GPAT2: variants seen among roughly 807,000 people sequenced by gnomAD.
GPAT2 encodes the protein glycerol-3-phosphate acyltransferase 2, mitochondrial.
GPAT2 carries 51 observed loss-of-function variants against 71.0 expected under a neutral mutation model. The ratio of observed to expected loss-of-function variants is 0.72; its 90% CI spans 0.57 to 0.91. The LOEUF (loss-of-function observed/expected upper bound fraction) is 0.91, where lower values mean the gene tolerates loss of function less well. Ranked by LOEUF, GPAT2 falls within the 40% of genes least tolerant of loss-of-function variation. GPAT2 has a pLI of 0.00. For synonymous variants in GPAT2, 222 were observed against 290.3 expected (o/e 0.76, Z 2.39); for missense variants, 511 against 666.0 (o/e 0.77, Z 2.56).
intron 1 of GPAT2, among the ~76,000 whole-genome samples, chr2:96,034,293 T>C (rs1680902285): frequency 1.1e-5 from 1 of 89,594 alleles, no homozygotes; most frequent in East Asian, 3.0e-4. Flanking sequence ...ACTGTCCCTT[T>C]AGCCCGACAG....
At chr2:96,022,384 T>A in intron 21 of GPAT2, 109 bp from the exon 22 acceptor site, 1 of 1,310,346 alleles carries the variant, frequency 7.6e-7, no homozygotes, top group South Asian at 1.5e-5. Flanking sequence ...CTCTGGCCCC[T>A]TAGACCTCAA....
At chr2:96,022,562 A>G (rs1402830956) in intron 21 of GPAT2, 106 bp downstream of exon 21, 7 of 1,205,434 alleles carry the variant, frequency 5.8e-6, no homozygotes, top group East Asian at 4.7e-5. Flanking sequence ...ATGAGGCACC[A>G]TCAGGCCAGC....
In GPAT2 at chr2:96,024,470, C is replaced by G; in HGVS notation, c.1644G>C (p.Leu548=). ...PGPGLTHLAQ[L]SAELLPVFLS... ...GGAAGACGGGCAGCAGCTCAGCACT[C>G]AGTTGTGCCAGGTGTGTGAGGCCTG... Residue 548 remains leucine (L), a synonymous_variant, in exon 15 of 22, where the codon CTG becomes CTC. Coordinates refer to ENST00000434632, the MANE Select transcript of GPAT2 (RefSeq NM_001321527.2). The G allele has an allele frequency of 1.5e-5, 24 of 1,614,056 alleles. No homozygotes were observed. Among genetic ancestry groups the G allele is most frequent in the Non-Finnish European group, 2.0e-5 (24 of 1,179,986 alleles).
Position 96,026,682 on chromosome 2 carries a change from G to T in GPAT2, c.1032+15C>A. Reference sequence around the variant, plus strand: ...ACCTAGGGGCCCAAGGGGCTGGAAGGTCTCACATTCTCACATGGTCTATGT... The same window carrying T: ...ACCTAGGGGCCCAAGGGGCTGGAAGTTCTCACATTCTCACATGGTCTATGT... On this transcript the variant is annotated intron_variant, in intron 10 of 21. Transcript: ENST00000434632. 1 of 141,200 alleles carries T rather than the reference G, an allele frequency of 7.1e-6. No individual in the cohort carries two copies. The highest frequency in any genetic ancestry group is 1.2e-5 in the Non-Finnish European group (1 of 82,862). The allele number at this position is 141,200 out of a possible 1,614,324, so 8.7% of individuals were successfully genotyped here.
At chr2:96,024,940 C>T in intron 13 of GPAT2, 97 bp from the exon 14 acceptor site, 2 of 1,361,356 alleles carry the variant, frequency 1.5e-6, no homozygotes, top group East Asian at 2.3e-5. Context: ...CACATCCCAA[C>T]TCCACCCCAG....
chr2:96,033,850 G>A, intron 1 of GPAT2, among the ~76,000 whole-genome samples: 1 of 115,556 alleles, frequency 8.7e-6, no homozygotes, highest in Non-Finnish European at 1.8e-5. Context: ...CGGAAGCAGA[G>A]TCAAAGCCAT....
At chr2:96,024,738 C>T (rs760355292) in intron 14 of GPAT2, 35 bp downstream of exon 14, 8 of 1,613,740 alleles carry the variant, frequency 5.0e-6, no homozygotes, top group Admixed American at 1.7e-5. Context: ...CCACCCCCCC[C>T]ACCGCCCAGG....
chr2:96,023,423 T>C lies in GPAT2; in HGVS notation c.1932A>G (p.Pro644=), dbSNP rs1573848430. The part of the protein sequence containing the change: ...LVAEETPGSR[P]ACDTGRQRLS... ...ATCGCTGTCGCCCTGTGTCACAGGCTGGCCGGGAGCCTGGGGTCTAGGGGC... is the reference window on the plus strand; with the variant it reads ...ATCGCTGTCGCCCTGTGTCACAGGCCGGCCGGGAGCCTGGGGTCTAGGGGC... Residue 644 remains proline, a synonymous_variant, in exon 18 of 22, where the codon CCA becomes CCG. Transcript: ENST00000434632. 1 of 1,614,026 alleles carries C rather than the reference T, an allele frequency of 6.2e-7. No homozygotes were observed. The highest frequency in any genetic ancestry group is 2.2e-5 in the East Asian group (1 of 44,880).
chr2:96,022,224 T>G lies in GPAT2; in HGVS notation c.2341A>C (p.Thr781Pro). Reference sequence around the variant, plus strand: ...TCCTGATTGTCCAGGCTGGCAAAAGTAGGGGACAGGTGGAGCCTGGGGCCT... The same window carrying G: ...TCCTGATTGTCCAGGCTGGCAAAAGGAGGGGACAGGTGGAGCCTGGGGCCT... ...PAGPRLHLSPTFASLDNQEKL... is the reference protein window; with the variant it reads ...PAGPRLHLSPPFASLDNQEKL... The change falls in exon 22 of 22, where the codon ACT (threonine) becomes CCT (proline). Residue 781 changes from threonine to proline, a missense_variant. Transcript: ENST00000434632. 6.2e-7 allele frequency: 1 copy of G among 1,610,390 alleles called. No homozygotes were observed. Among genetic ancestry groups the G allele is most frequent in the Non-Finnish European group, 8.5e-7 (1 of 1,178,886 alleles).
rs769669847 is a variant in GPAT2 at position 96,023,108 on chromosome 2, G to A, written c.2165C>T (p.Thr722Ile). 7 of 1,612,096 alleles carry A rather than the reference G, an allele frequency of 4.3e-6. No individual in the cohort carries two copies. The highest frequency in any genetic ancestry group is 5.9e-6 in the Non-Finnish European group (7 of 1,178,450). ...CTGCAAGGGAACAAGGGCCTCACCA[G>A]TATCGGGCAGCTGGCCCTGGCGGAG... ...AFLRQGQLPD[T>I]ELGYTEQLFQ... The change falls in exon 19 of 22, where the codon ACT becomes ATT. Residue 722 changes from threonine to isoleucine, a missense_variant and splice_region_variant. By Grantham distance (89) the Thr-to-Ile change is moderately conservative. Coordinates refer to ENST00000434632, the MANE Select transcript of GPAT2 (RefSeq NM_001321527.2).
At position 96,023,816 on chromosome 2, in the gene GPAT2, A is replaced by G. The variant is rs555330098; in HGVS notation, c.1914+107T>C. The G allele has an allele frequency of 8.5e-5, 128 of 1,507,664 alleles. No homozygotes were observed. The African/African-American group carries it at 1.5e-3, about 18-fold the overall frequency. 93.4% of individuals were successfully genotyped at this position (1,507,664 alleles called of 1,614,324 possible). A position where few individuals can be genotyped will look rare whatever the true frequency, so the allele number is the denominator to read the frequency against. On this transcript the variant is annotated intron_variant, in intron 17 of 21. Coordinates refer to ENST00000434632, the MANE Select transcript of GPAT2 (RefSeq NM_001321527.2). ...AAGGCCAGGGGCTGCCCACCCCCAC[A>G]GCACACACGGGGCAGAGGAGGAGCC...
intron 13 of GPAT2, 103 bp from the exon 14 acceptor site, chr2:96,024,946 C>T: frequency 7.6e-7 from 1 of 1,314,234 alleles, no homozygotes; most frequent in African/African-American, 1.4e-5. Flanking sequence ...CCAACTCCAC[C>T]CCAGGGATGA....
intron 13 of GPAT2, chr2:96,025,193 A>G: frequency 1.8e-6 from 1 of 558,290 alleles, no homozygotes; most frequent in Non-Finnish European, 3.2e-6. Context: ...ACCCAAAGCT[A>G]AGGAGACTCC....
chr2:96,022,985 C>G lies in GPAT2; in HGVS notation c.2206G>C (p.Ala736Pro). The G allele has an allele frequency of 6.2e-7, 1 of 1,613,934 alleles. No individual in the cohort carries two copies. The highest frequency in any genetic ancestry group is 8.5e-7 in the Non-Finnish European group (1 of 1,179,842). The change falls in exon 20 of 22, where the codon GCC becomes CCC. Residue 736 changes from alanine (A) to proline (P), a missense_variant. Ala to Pro is a conservative substitution (Grantham distance 27). Transcript: ENST00000434632. ...AAGATCCCTTCTTCCTGGGCGGTGG[C>G]CTGCAGGAACTGGAACAGCTGCTCT... ...YTEQLFQFLQ[A>P]TAQEEGIFEC...
chr2:96,025,631 G>A (rs1274558762), intron 12 of GPAT2, 28 bp from the exon 13 acceptor site: 2 of 1,519,648 alleles, frequency 1.3e-6, no homozygotes, highest in Non-Finnish European at 8.9e-7. Context: ...ATTACAGGAT[G>A]AAGGGTCCAA....
chr2:96,025,056 TCAACCCA>T lies in GPAT2; in HGVS notation c.1358-220_1358-214del, dbSNP rs1327179443. On this transcript the variant is annotated intron_variant, in intron 13 of 21. Coordinates refer to ENST00000434632, the MANE Select transcript of GPAT2 (RefSeq NM_001321527.2). ...TGGATCTCATCGTAGGGCCCACACATCAACCCACAGCCTCTACTAGAGGGGCACTGAA... is the reference window on the plus strand; with the variant it reads ...TGGATCTCATCGTAGGGCCCACACATCAGCCTCTACTAGAGGGGCACTGAA... The T allele has an allele frequency of 1.6e-5, 10 of 624,076 alleles. No homozygotes were observed. In the Admixed American group the frequency reaches 2.6e-4, roughly 16 times the overall value. 38.7% of individuals were successfully genotyped at this position (624,076 alleles called of 1,614,324 possible).
In GPAT2 at chr2:96,026,298, G is replaced by T; in HGVS notation, c.1040C>A (p.Ala347Asp). ...DAPCDIDHAS[A>D]PLGLWTGALA... The stretch of plus-strand genomic sequence containing the variant: ...AGCTCCTGTCCACAGCCCCAGGGGG[G>T]CCGAGGCCTGCAAGGAGGGAAAGGA... Residue 347 changes from alanine (A) to aspartate (D), a missense_variant, in exon 11 of 22, where the codon GCC becomes GAC. Ala to Asp is a moderately radical substitution (Grantham distance 126, BLOSUM62 -2). This residue lies in a region of GPAT2 where 79 missense variants were observed against 111.4 expected (regional missense o/e 0.71). Transcript: ENST00000434632. 1.3e-6 allele frequency: 2 copies of T among 1,541,012 alleles called. No homozygotes were observed. The highest frequency in any genetic ancestry group is 1.7e-6 in the Non-Finnish European group (2 of 1,147,456).
chr2:96,023,176 C>T lies in GPAT2; in HGVS notation c.2097G>A (p.Leu699=), dbSNP rs528700445. 6.2e-7 allele frequency: 1 copy of T among 1,603,416 alleles called. No individual in the cohort carries two copies. The highest frequency in any genetic ancestry group is 2.3e-5 in the East Asian group (1 of 44,242). ...CAAAGGCCTTGAGCAGCGGGCTGAG[C>T]AGGCGGCAGAGGAAAAGAAAGAAAT... ...CPDFFLFLCR[L]LSPLLKAFAQ... The change falls in exon 19 of 22, where the codon CTG becomes CTA. Residue 699 remains leucine (L), a synonymous_variant. Transcript: ENST00000434632.
Position 96,023,291 on chromosome 2 carries a change from C to T in GPAT2, c.2046+18G>A. On this transcript the variant is annotated intron_variant, in intron 18 of 21. Coordinates refer to ENST00000434632, the MANE Select transcript of GPAT2 (RefSeq NM_001321527.2). ...CCTCCCTACCACCTCCCTCCAGGGG[C>T]AGCTTTTTGAAACACACCCTGAAGT... 6.2e-7 allele frequency: 1 copy of T among 1,614,098 alleles called. No homozygotes were observed. Among genetic ancestry groups the T allele is most frequent in the East Asian group, 2.2e-5 (1 of 44,890 alleles).
Sources: allele counts gnomAD v4.1 joint callset (sites outside exome capture counted in the v4.1 genomes callset), GRCh38; gene constraint gnomAD v4.1.1; regional missense constraint gnomAD v4.1.1; transcripts MANE v1.5; gene names NCBI Gene and HGNC (gene_info 2026-07-23, HGNC 2026-07-21).